The following GRM7 variants were observed in gnomAD, a reference collection of about 807,000 sequenced individuals.
The protein encoded by GRM7 is glutamate metabotropic receptor 7, also known as metabotropic glutamate receptor 7.
A neutral mutation model predicts 84.5 loss-of-function variants in GRM7; 35 were observed. The ratio of observed to expected loss-of-function variants is 0.41; its 90% confidence interval spans 0.32 to 0.55. GRM7 has a LOEUF of 0.55. Among genes scored for constraint, GRM7 ranks in the 20% least tolerant of loss-of-function variants. The probability of loss-of-function intolerance (pLI) is 0.19; values close to 1 mark genes in which losing one functional copy is unlikely to be tolerated. For missense variants in GRM7, 1,003 were observed against 1,194.6 expected, an observed-to-expected ratio of 0.84 and a Z score of 2.36; for synonymous variants, 487 against 455.1, an observed-to-expected ratio of 1.07 and a Z score of -0.89.
chr3:7,091,037 T>G (rs1698645475), intron 1 of GRM7, among the ~76,000 whole-genome samples: 4 of 152,190 alleles, frequency 2.6e-5, no homozygotes, highest in Admixed American at 2.6e-4. Flanking sequence ...TCTGTCATGA[T>G]TTATTTGTCC....
At chr3:7,620,465 T>C (rs923558506) in intron 8 of GRM7, among the ~76,000 whole-genome samples, 2 of 152,160 alleles carry the variant, frequency 1.3e-5, no homozygotes, top group Non-Finnish European at 2.9e-5. Context: ...CTTATAGCCA[T>C]AGCTATATTA....
intron 2 of GRM7, among the ~76,000 whole-genome samples, chr3:7,205,595 C>T (rs1696209298): frequency 6.6e-6 from 1 of 152,156 alleles, no homozygotes; most frequent in Non-Finnish European, 1.5e-5. Flanking sequence ...TTCAATGTTT[C>T]TCTGAGATGG....
chr3:7,455,394 A>G (rs1312768822), intron 6 of GRM7, among the ~76,000 whole-genome samples: 1 of 152,170 alleles, frequency 6.6e-6, no homozygotes, highest in Non-Finnish European at 1.5e-5. Context: ...ATGAATAACC[A>G]AAAACAAAAT....
chr3:7,393,820 G>A (rs937061416), intron 4 of GRM7, among the ~76,000 whole-genome samples: 12 of 152,170 alleles, frequency 7.9e-5, no homozygotes, highest in African/African-American at 2.7e-4. Context: ...AGTGTATCAA[G>A]TAAGTCTTCA....
At chr3:7,347,911 A>ATAGTTATTGTGAGTT (rs1692963723) in intron 4 of GRM7, among the ~76,000 whole-genome samples, 1 of 152,122 alleles carries the variant, frequency 6.6e-6, no homozygotes, top group African/African-American at 2.4e-5. Flanking sequence ...CTTTTATCTA[A>ATAGTTATTGTGAGTT]TAGTTATTGT....
intron 4 of GRM7, among the ~76,000 whole-genome samples, chr3:7,372,962 C>G (rs1026203536): frequency 6.6e-6 from 1 of 151,944 alleles, no homozygotes; most frequent in East Asian, 1.9e-4. Flanking sequence ...ATGTAATATA[C>G]CACTAAGCCA....
intron 8 of GRM7, among the ~76,000 whole-genome samples, chr3:7,659,446 C>CAGACT (rs1190198337): frequency 1.3e-5 from 2 of 149,296 alleles, no homozygotes; most frequent in Non-Finnish European, 3.0e-5. Flanking sequence ...CGGTAATGGT[C>CAGACT]AGACTATTTT....
chr3:7,181,267 C>A (rs984874174), intron 2 of GRM7, among the ~76,000 whole-genome samples: 1 of 152,152 alleles, frequency 6.6e-6, no homozygotes, highest in African/African-American at 2.4e-5. Flanking sequence ...ATCTTCCATA[C>A]TATTTTTTAG....
intron 1 of GRM7, among the ~76,000 whole-genome samples, chr3:7,050,816 G>C (rs1443409382): frequency 6.6e-6 from 1 of 151,834 alleles, no homozygotes; most frequent in Non-Finnish European, 1.5e-5. Flanking sequence ...TGATGTAATA[G>C]TTAGGTTCAA....
chr3:7,033,532 C>T (rs1303864053), intron 1 of GRM7, among the ~76,000 whole-genome samples: 2 of 152,294 alleles, frequency 1.3e-5, no homozygotes, highest in Middle Eastern at 3.4e-3. Flanking sequence ...TATATATTCT[C>T]AAGTTCATTC....
At chr3:7,211,773 C>G (rs1575036919) in intron 2 of GRM7, among the ~76,000 whole-genome samples, 1 of 151,972 alleles carries the variant, frequency 6.6e-6, no homozygotes, top group East Asian at 1.9e-4. Context: ...TCACATCGGA[C>G]TTAATGACAC....
chr3:7,085,811 T>C (rs1267340057), intron 1 of GRM7, among the ~76,000 whole-genome samples: 1 of 152,118 alleles, frequency 6.6e-6, no homozygotes, highest in African/African-American at 2.4e-5. Flanking sequence ...CCCCATCCTC[T>C]TGGAATATTG....
Position 7,675,463 on chromosome 3 carries a change from A to G in GRM7, c.2452-4586A>G, listed in dbSNP as rs1285873424. On this transcript the variant is annotated intron_variant, in intron 8 of 9. Transcript: ENST00000357716. ...ACATCCTAGCAATTGAAAATTAGAC[A>G]CGGAACTCAGTTAGCACTAAATGTT... 3.3e-5 allele frequency among the ~76,000 whole-genome samples: 5 copies of G among 152,364 alleles called. No homozygotes were observed. In the South Asian group the frequency reaches 8.3e-4, roughly 25 times the overall value.
intron 4 of GRM7, among the ~76,000 whole-genome samples, chr3:7,407,118 C>G (rs1471975858): frequency 6.6e-6 from 1 of 152,154 alleles, no homozygotes; most frequent in South Asian, 2.1e-4. Context: ...AAAACCCTTA[C>G]CACATTTCTG....
intron 1 of GRM7, among the ~76,000 whole-genome samples, chr3:6,999,138 T>C (rs1472024176): frequency 6.6e-6 from 1 of 152,184 alleles, no homozygotes; most frequent in African/African-American, 2.4e-5. Flanking sequence ...TTCTGCCAGA[T>C]ACCTAAATCA....
chr3:7,352,380 G>A (rs755627120), intron 4 of GRM7, among the ~76,000 whole-genome samples: 21 of 152,098 alleles, frequency 1.4e-4, no homozygotes, highest in Admixed American at 1.1e-3. Flanking sequence ...TCAGTTGGTT[G>A]CTTCTAGCAT....
At chr3:7,115,828 G>T (rs1417103119) in intron 1 of GRM7, among the ~76,000 whole-genome samples, 1 of 152,146 alleles carries the variant, frequency 6.6e-6, no homozygotes, top group Non-Finnish European at 1.5e-5. Flanking sequence ...GCATATATGT[G>T]TCAGAGGGTT....
At chr3:6,874,337 TG>T (rs1440219963) in intron 1 of GRM7, among the ~76,000 whole-genome samples, 1 of 152,148 alleles carries the variant, frequency 6.6e-6, no homozygotes, top group Non-Finnish European at 1.5e-5. Context: ...ATTTATCAAG[TG>T]TCGTTTATAT....
At chr3:6,873,652 C>T (rs772799619) in intron 1 of GRM7, among the ~76,000 whole-genome samples, 1 of 152,160 alleles carries the variant, frequency 6.6e-6, no homozygotes, top group Non-Finnish European at 1.5e-5. Flanking sequence ...ATAGTATTAG[C>T]GTCAGTATTT....
Sources: allele counts gnomAD v4.1 joint callset (sites outside exome capture counted in the v4.1 genomes callset), GRCh38; gene constraint gnomAD v4.1.1; transcripts MANE v1.5; gene names NCBI Gene and HGNC (gene_info 2026-07-23, HGNC 2026-07-21).